The following SYN2 variants were observed in gnomAD, a reference collection of about 807,000 sequenced individuals.
The protein encoded by SYN2 is synapsin-2.
Under a neutral mutation model 50.9 loss-of-function variants are expected in SYN2, and 19 were observed. That is an observed-to-expected ratio of 0.37 (90% CI 0.26 to 0.55). The LOEUF (loss-of-function observed/expected upper bound fraction) is 0.55, where lower values mean the gene tolerates loss of function less well. Among genes scored for constraint, SYN2 ranks in the 20% least tolerant of loss-of-function variants. The probability of loss-of-function intolerance (pLI) is 0.81; values close to 1 mark genes in which losing one functional copy is unlikely to be tolerated. For synonymous variants in SYN2, 255 were observed against 224.9 expected, an observed-to-expected ratio of 1.13 and a Z score of -1.20; for missense variants, 587 against 576.4, an observed-to-expected ratio of 1.02 and a Z score of -0.19.
chr3:12,121,398 C>A (rs1209253177), intron 1 of SYN2, among the ~76,000 whole-genome samples: 1 of 152,132 alleles, frequency 6.6e-6, no homozygotes. Flanking sequence ...AATTGTTATG[C>A]TATTGTAATG....
At position 12,156,888 on chromosome 3, in the gene SYN2, G is replaced by A. The variant is rs201423861; in HGVS notation, c.775-4658G>A. The A allele has an allele frequency of 3.4e-5, 55 of 1,614,118 alleles. No individual in the cohort carries two copies. The Middle Eastern group carries it at 4.9e-4, about 15-fold the overall frequency. On this transcript the variant is annotated intron_variant, in intron 5 of 12. Coordinates refer to ENST00000621198, the MANE Select transcript of SYN2 (RefSeq NM_133625.6). ...ACCACAGAGGGAAGAGTCAAAAGGC[G>A]TATAGATATACTGAACATCCTTGAC...
chr3:12,136,068 C>A (rs902066897), intron 1 of SYN2, among the ~76,000 whole-genome samples: 4 of 151,916 alleles, frequency 2.6e-5, no homozygotes, highest in African/African-American at 9.7e-5. Context: ...ATTAGACAAC[C>A]GACTTTGAAA....
At chr3:12,028,584 G>A (rs1385623840) in intron 1 of SYN2, among the ~76,000 whole-genome samples, 1 of 146,406 alleles carries the variant, frequency 6.8e-6, no homozygotes, top group Non-Finnish European at 1.5e-5. Flanking sequence ...GGTGTGAGAT[G>A]ATATCTCATA....
intron 1 of SYN2, among the ~76,000 whole-genome samples, chr3:12,097,697 C>A (rs1172479684): frequency 6.6e-6 from 1 of 152,074 alleles, no homozygotes; most frequent in Non-Finnish European, 1.5e-5. Context: ...AGTTCATGTC[C>A]TTTGTAGGGA....
chr3:12,190,218 C>T (rs1215956582), intron 12 of SYN2, among the ~76,000 whole-genome samples: 1 of 152,104 alleles, frequency 6.6e-6, no homozygotes, highest in Non-Finnish European at 1.5e-5. Context: ...TTTGAGTCGC[C>T]TCTTCCTCCT....
intron 1 of SYN2, among the ~76,000 whole-genome samples, chr3:12,137,658 T>C (rs1010606601): frequency 2.0e-5 from 3 of 152,200 alleles, no homozygotes; most frequent in Non-Finnish European, 2.9e-5. Flanking sequence ...CCCATCAATA[T>C]GTGCTGAAAG....
intron 10 of SYN2, among the ~76,000 whole-genome samples, chr3:12,182,940 C>T (rs746320260): frequency 4.6e-5 from 7 of 152,200 alleles, no homozygotes; most frequent in Non-Finnish European, 7.3e-5. Context: ...CAGGCCTGTA[C>T]GTAGAAGTGG....
At chr3:12,046,921 T>C (rs1205601333) in intron 1 of SYN2, among the ~76,000 whole-genome samples, 2 of 151,466 alleles carry the variant, frequency 1.3e-5, no homozygotes, top group East Asian at 3.9e-4. Context: ...ATGAATGTTG[T>C]TTTAGATATG....
chr3:12,164,915 G>GGTAT (rs1697743178), intron 7 of SYN2, among the ~76,000 whole-genome samples: 1 of 151,840 alleles, frequency 6.6e-6, no homozygotes, highest in Non-Finnish European at 1.5e-5. Context: ...AAGTCATAGA[G>GGTAT]GTCATAGAGG....
chr3:12,008,107 G>GGTGTTTATGTTGTTTCTTCTGT (rs1473248912), intron 1 of SYN2, among the ~76,000 whole-genome samples: 8 of 152,174 alleles, frequency 5.3e-5, no homozygotes, highest in African/African-American at 1.7e-4. Context: ...ACAAGGAACA[G>GGTGTTTATGTTGTTTCTTCTGT]GTGTTTATGT....
intron 1 of SYN2, among the ~76,000 whole-genome samples, chr3:12,049,544 A>AAAAATAG (rs1425225040): frequency 6.6e-6 from 1 of 151,856 alleles, no homozygotes; most frequent in East Asian, 1.9e-4. Flanking sequence ...ATAAAAAATA[A>AAAAATAG]AAAAACTGAA....
At position 12,179,628 on chromosome 3, in the gene SYN2, A is replaced by G. The variant is rs78513075; in HGVS notation, c.1309-3684A>G. Among the ~76,000 whole-genome samples the G allele has an allele frequency of 4.9e-3, 752 of 152,306 alleles. 8 individuals carry two copies. The highest frequency in any genetic ancestry group is 0.017 in the African/African-American group (702 of 41,572). ...CTTCCATGGTTACCTCATTTATACC[A>G]TTTGGGAAACTGTGACTCAGGATAA... On this transcript the variant is annotated intron_variant, in intron 10 of 12. Transcript: ENST00000621198.
chr3:12,156,241 A>G (rs1418761268), intron 5 of SYN2, among the ~76,000 whole-genome samples: 3 of 152,192 alleles, frequency 2.0e-5, no homozygotes, highest in African/African-American at 7.2e-5. Flanking sequence ...CACCTACACA[A>G]TGAAGCTTCC....
intron 1 of SYN2, among the ~76,000 whole-genome samples, chr3:12,035,782 C>G (rs1307701848): frequency 6.6e-6 from 1 of 152,262 alleles, no homozygotes; most frequent in Non-Finnish European, 1.5e-5. Flanking sequence ...TGGACTTCCT[C>G]CAGGCCTCTC....
intron 1 of SYN2, among the ~76,000 whole-genome samples, chr3:12,039,777 G>A (rs1475265950): frequency 1.3e-5 from 2 of 152,034 alleles, no homozygotes; most frequent in East Asian, 1.9e-4. Flanking sequence ...ATTAAGGATC[G>A]GGAGGAAGAA....
chr3:12,129,305 T>TA (rs1389757782), intron 1 of SYN2, among the ~76,000 whole-genome samples: 2 of 152,162 alleles, frequency 1.3e-5, no homozygotes, highest in African/African-American at 4.8e-5. Flanking sequence ...AGAGGACAGA[T>TA]AATGTTTCAG....
Position 12,190,532 on chromosome 3 carries a change from C to G in SYN2, c.1656C>G (p.Ser552=), listed in dbSNP as rs1212014843. The G allele has an allele frequency of 1.2e-6, 2 of 1,613,724 alleles. No homozygotes were observed. The highest frequency in any genetic ancestry group is 4.5e-5 in the East Asian group (2 of 44,886). Residue 552 remains serine, a synonymous_variant, in exon 13 of 13, where the codon TCC becomes TCG. Coordinates refer to ENST00000621198, the MANE Select transcript of SYN2 (RefSeq NM_133625.6). The part of the protein sequence containing the change: ...SLTNAFSFSE[S]SFFRSSANED... The stretch of plus-strand genomic sequence containing the variant: ...CAAATGCCTTCAGCTTCTCTGAGTC[C>G]TCCTTCTTCCGGTCTTCAGCCAATG...
At chr3:12,045,475 A>G (rs981123499) in intron 1 of SYN2, among the ~76,000 whole-genome samples, 17 of 152,182 alleles carry the variant, frequency 1.1e-4, no homozygotes, top group Non-Finnish European at 2.2e-4. Flanking sequence ...ACTGTTTTCC[A>G]ATTTGAATAG....
intron 1 of SYN2, chr3:12,071,139 C>A: frequency 1.8e-6 from 1 of 557,352 alleles, no homozygotes; most frequent in Non-Finnish European, 3.6e-6. Flanking sequence ...TGCTGTCCAG[C>A]GGCACTACCA....
Sources: gnomAD v4.1 joint callset for allele counts (sites outside exome capture counted in the v4.1 genomes callset) on GRCh38, gnomAD v4.1.1 for gene constraint, MANE v1.5 for transcripts, NCBI Gene and HGNC (gene_info 2026-07-23, HGNC 2026-07-21) for gene names.